Variants in MARCHF6 observed in about 807,000 individuals in gnomAD.
MARCHF6 encodes E3 ubiquitin-protein ligase MARCHF6.
A neutral mutation model predicts 133.7 loss-of-function variants in MARCHF6; 31 were observed. That is an observed-to-expected ratio of 0.23 (90% CI 0.17 to 0.31). The LOEUF is 0.31. Ranked by LOEUF, MARCHF6 falls within the 10% of genes least tolerant of loss-of-function variation. The pLI is 1.00. For missense variants in MARCHF6, 723 were observed against 1,121.6 expected, an observed-to-expected ratio of 0.64 and a Z score of 5.08; for synonymous variants, 395 against 402.5, an observed-to-expected ratio of 0.98 and a Z score of 0.22.
intron 22 of MARCHF6, among the ~76,000 whole-genome samples, chr5:10,417,641 C>T (rs996908281): frequency 1.5e-5 from 2 of 134,778 alleles, no homozygotes; most frequent in African/African-American, 5.7e-5. Context: ...GAGAGGATCA[C>T]AGGAGGTTGA....
chr5:10,381,751 C>T, intron 3 of MARCHF6, 49 bp from the exon 4 acceptor site: 2 of 1,389,194 alleles, frequency 1.4e-6, no homozygotes, highest in Non-Finnish European at 2.0e-6. Context: ...ATGAATTAAG[C>T]TATTTTCGAA....
chr5:10,409,339 A>AG (rs1739092369), intron 17 of MARCHF6, among the ~76,000 whole-genome samples: 1 of 152,204 alleles, frequency 6.6e-6, no homozygotes, highest in South Asian at 2.1e-4. Flanking sequence ...TAAAGACCTG[A>AG]GGGGGTGACA....
intron 21 of MARCHF6, among the ~76,000 whole-genome samples, chr5:10,416,512 T>C (rs1359605825): frequency 6.6e-6 from 1 of 152,200 alleles, no homozygotes; most frequent in Non-Finnish European, 1.5e-5. Context: ...AATTCCAGTT[T>C]TCATTTGATA....
intron 10 of MARCHF6, 108 bp downstream of exon 10, chr5:10,397,452 T>G (rs1334389535): frequency 5.1e-6 from 4 of 785,588 alleles, no homozygotes; most frequent in Non-Finnish European, 7.8e-6. Context: ...AAATAAATAC[T>G]AAGCAGTATA....
rs780102333 is a variant in MARCHF6, at chr5:10,426,561, T to A, written c.2506+39T>A. 6 of 1,607,598 alleles carry A rather than the reference T, an allele frequency of 3.7e-6. No homozygotes were observed. In the East Asian group the frequency reaches 6.7e-5, roughly 18 times the overall value. ...GTTGTGGAGCCTTGAAGGAGCACTT[T>A]TATTAACATTGGACATTCTCTTTAC... On this transcript the variant is annotated intron_variant, in intron 24 of 25. Transcript: ENST00000274140.
chr5:10,381,964 T>C lies in MARCHF6; in HGVS notation c.334+21T>C, dbSNP rs1471494108. 6 of 1,606,216 alleles carry C rather than the reference T, an allele frequency of 3.7e-6. No individual in the cohort carries two copies. The African/African-American group carries it at 5.4e-5, about 14-fold the overall frequency. ...AGCATGTGAGTATTCATGCCTCTGA[T>C]TGGAGTTATTTAAACATTGCATAAC... On this transcript the variant is annotated intron_variant, in intron 4 of 25. Transcript: ENST00000274140.
intron 14 of MARCHF6, 125 bp downstream of exon 14, chr5:10,402,732 G>T (rs1233267768): frequency 4.6e-6 from 4 of 876,240 alleles, no homozygotes; most frequent in African/African-American, 1.7e-5. Flanking sequence ...TTTGGCATGT[G>T]TATCAGTATA....
chr5:10,410,366 C>T (rs1579599299), intron 18 of MARCHF6, 90 bp downstream of exon 18: 1 of 1,421,638 alleles, frequency 7.0e-7, no homozygotes, highest in East Asian at 2.4e-5. Flanking sequence ...ATGGCCCACT[C>T]AAGAAAAATT....
chr5:10,435,623 CTATATAACTATATAACTATATATATATA>C lies in MARCHF6; in HGVS notation c.*1946_*1973del, dbSNP rs1156682628. ...CATTATTATTGAATTGAGCATATAACTATATAACTATATAACTATATATATATATATATATATATATATATATATATAT... is the reference window on the plus strand; with the variant it reads ...CATTATTATTGAATTGAGCATATAACTATATATATATATATATATATATAT... On this transcript the variant is annotated 3_prime_UTR_variant, in exon 26 of 26. Transcript: ENST00000274140. 4.3e-3 allele frequency: 54 copies of C among 12,552 alleles called. 3 individuals are homozygous for C. The highest frequency in any genetic ancestry group is 7.3e-3 in the Non-Finnish European group (34 of 4,642). The allele number at this position is 12,552 out of a possible 1,614,324, so 0.8% of individuals were successfully genotyped here.
At chr5:10,370,521 C>T (rs1203647531) in intron 1 of MARCHF6, among the ~76,000 whole-genome samples, 2 of 152,168 alleles carry the variant, frequency 1.3e-5, no homozygotes, top group African/African-American at 4.8e-5. Context: ...GTTGTGCAAC[C>T]ATCACCATCT....
At chr5:10,399,844 G>A (rs1419471150) in intron 10 of MARCHF6, among the ~76,000 whole-genome samples, 3 of 152,030 alleles carry the variant, frequency 2.0e-5, no homozygotes, top group Admixed American at 6.6e-5. Context: ...ACCCTATTTG[G>A]CCATTGATTT....
Position 10,434,928 on chromosome 5 carries a change from C to T in MARCHF6, c.*1244C>T, listed in dbSNP as rs1002636041. 4 of 152,572 alleles carry T rather than the reference C, an allele frequency of 2.6e-5. No individual in the cohort carries two copies. The South Asian group carries it at 8.3e-4, about 32-fold the overall frequency. The allele number at this position is 152,572 out of a possible 1,614,324, so 9.5% of individuals were successfully genotyped here. ...CTGAAAAATCTCAGAGAACTGAACCCTTACAAACTTTGTTTTCCCTCATAA... is the reference window on the plus strand; with the variant it reads ...CTGAAAAATCTCAGAGAACTGAACCTTTACAAACTTTGTTTTCCCTCATAA... On this transcript the variant is annotated 3_prime_UTR_variant, in exon 26 of 26. Coordinates refer to ENST00000274140, the MANE Select transcript of MARCHF6 (RefSeq NM_005885.4).
intron 17 of MARCHF6, among the ~76,000 whole-genome samples, chr5:10,408,738 C>CA (rs1175535620): frequency 6.6e-6 from 1 of 152,062 alleles, no homozygotes; most frequent in East Asian, 1.9e-4. Flanking sequence ...CGGGTTTTAC[C>CA]ATGTTGCCTG....
chr5:10,377,320 CTTGTG>C (rs1160871471), intron 1 of MARCHF6, among the ~76,000 whole-genome samples: 3 of 152,124 alleles, frequency 2.0e-5, no homozygotes, highest in African/African-American at 7.2e-5. Flanking sequence ...ACCTTGCACT[CTTGTG>C]GGGTGGGGTG....
At chr5:10,387,554 C>T (rs149210754) in intron 5 of MARCHF6, among the ~76,000 whole-genome samples, 62 of 152,274 alleles carry the variant, frequency 4.1e-4, no homozygotes, top group African/African-American at 1.4e-3. Flanking sequence ...CCACCCGCTT[C>T]GGGCTCCCAA....
chr5:10,434,889 TCGTTGGAAA>T lies in MARCHF6; in HGVS notation c.*1207_*1215del, dbSNP rs1293257407. On this transcript the variant is annotated 3_prime_UTR_variant, in exon 26 of 26. Coordinates refer to ENST00000274140, the MANE Select transcript of MARCHF6 (RefSeq NM_005885.4). Reference sequence around the variant, plus strand: ...TGGCCTTTTAACATAGGAATGTATTTCGTTGGAAACATTCTGAAAAATCTCAGAGAACTG... The same window carrying T: ...TGGCCTTTTAACATAGGAATGTATTTCATTCTGAAAAATCTCAGAGAACTG... 6.6e-6 allele frequency: 1 copy of T among 152,652 alleles called. No individual in the cohort carries two copies. Among genetic ancestry groups the T allele is most frequent in the Admixed American group, 6.5e-5 (1 of 15,282 alleles). The allele number at this position is 152,652 out of a possible 1,614,324, so 9.5% of individuals were successfully genotyped here.
chr5:10,426,014 A>G (rs1444463631), intron 23 of MARCHF6, among the ~76,000 whole-genome samples: 1 of 152,206 alleles, frequency 6.6e-6, no homozygotes, highest in Non-Finnish European at 1.5e-5. Context: ...AATATTGTAT[A>G]ATAACACAAT....
intron 11 of MARCHF6, 129 bp downstream of exon 11, chr5:10,400,971 C>T (rs543227742): frequency 4.5e-6 from 3 of 666,492 alleles, no homozygotes; most frequent in African/African-American, 1.8e-5. Flanking sequence ...TAGGCAATAC[C>T]GTCTCATTCT....
intron 25 of MARCHF6, among the ~76,000 whole-genome samples, chr5:10,432,751 T>C (rs1159821272): frequency 6.6e-6 from 1 of 152,242 alleles, no homozygotes; most frequent in Non-Finnish European, 1.5e-5. Context: ...CTTGCCATTC[T>C]GTTGTTGAAC....
Sources: allele counts gnomAD v4.1 joint callset (sites outside exome capture counted in the v4.1 genomes callset), GRCh38; gene constraint gnomAD v4.1.1; transcripts MANE v1.5; gene names NCBI Gene and HGNC (gene_info 2026-07-23, HGNC 2026-07-21).